The following SP100 variants were observed in gnomAD, a reference collection of about 807,000 sequenced individuals.
The protein encoded by SP100 is SP100 nuclear body protein, also known as nuclear autoantigen Sp-100.
In SP100, 84 loss-of-function variants were observed where a neutral mutation model predicts 130.0. The observed-to-expected ratio is 0.65, with a 90% CI of 0.54 to 0.77. The LOEUF is 0.77. Ranked by LOEUF, SP100 falls within the 30% of genes least tolerant of loss-of-function variation. The probability of loss-of-function intolerance (pLI) is 0.00; values close to 1 mark genes in which losing one functional copy is unlikely to be tolerated. For synonymous variants in SP100, 331 were observed against 351.7 expected (o/e 0.94, Z 0.66); for missense variants, 978 against 1,052.2 (o/e 0.93, Z 0.97).
rs765942675 is a variant in SP100, at chr2:230,444,364, C to T, written c.439+18C>T. On this transcript the variant is annotated intron_variant, in intron 4 of 28. Transcript: ENST00000340126. ...TGAAAATGGTAATTAGATTTATTAT[C>T]TACCTTTTTATTTCCAGGGCCAAGT... The T allele has an allele frequency of 1.2e-6, 2 of 1,600,424 alleles. No individual in the cohort carries two copies. The highest frequency in any genetic ancestry group is 1.7e-6 in the Non-Finnish European group (2 of 1,170,414).
chr2:230,420,612 A>C (rs2062741165), intron 2 of SP100, among the ~76,000 whole-genome samples: 1 of 152,174 alleles, frequency 6.6e-6, no homozygotes, highest in Non-Finnish European at 1.5e-5. Flanking sequence ...TAGGATATTT[A>C]TCAAAATGCC....
intron 17 of SP100, among the ~76,000 whole-genome samples, chr2:230,484,042 C>T (rs143964786): frequency 4.6e-5 from 7 of 152,336 alleles, no homozygotes; most frequent in African/African-American, 1.7e-4. Flanking sequence ...TTCTGTCCCA[C>T]GTCACAGCCT....
Position 230,512,961 on chromosome 2 carries a change from CT to C in SP100, c.2094+1796del, listed in dbSNP as rs139512186. On this transcript the variant is annotated intron_variant, in intron 24 of 28. Coordinates refer to ENST00000340126, the MANE Select transcript of SP100 (RefSeq NM_001080391.2). Reference sequence around the variant, plus strand: ...GGAATTTACAACAGGGTTTGTGCTCCTATGAGAATTTAATGCTGCTGCTGAT... The same window carrying C: ...GGAATTTACAACAGGGTTTGTGCTCCATGAGAATTTAATGCTGCTGCTGAT... Among the ~76,000 whole-genome samples the C allele has an allele frequency of 9.9e-3, 1,506 of 152,252 alleles. 43 individuals are homozygous for C. Among genetic ancestry groups the C allele is most frequent in the East Asian group, 0.071 (369 of 5,182 alleles).
At chr2:230,447,028 G>C in intron 5 of SP100, 126 bp downstream of exon 5, 1 of 602,498 alleles carries the variant, frequency 1.7e-6, no homozygotes, top group Non-Finnish European at 2.9e-6. Context: ...AGTTATATGA[G>C]CTTCTAACCA....
At chr2:230,466,443 C>G in intron 12 of SP100, 89 bp downstream of exon 12, 1 of 760,624 alleles carries the variant, frequency 1.3e-6, no homozygotes, top group Non-Finnish European at 2.3e-6. Context: ...AAGAGTCAGT[C>G]TAATTCCTTG....
At chr2:230,459,456 A>G (rs2064466079) in intron 8 of SP100, among the ~76,000 whole-genome samples, 1 of 152,126 alleles carries the variant, frequency 6.6e-6, no homozygotes, top group African/African-American at 2.4e-5. Context: ...TGGCTCAATC[A>G]CCATCTAAGA....
rs1315779337 is a variant in SP100 at position 230,542,960 on chromosome 2, C to T, written c.*14C>T. 1.4e-6 allele frequency: 2 copies of T among 1,388,878 alleles called. No individual in the cohort carries two copies. The highest frequency in any genetic ancestry group is 1.7e-5 in the Admixed American group (1 of 58,636). 86.0% of individuals were successfully genotyped at this position (1,388,878 alleles called of 1,614,324 possible). On this transcript the variant is annotated 3_prime_UTR_variant, in exon 29 of 29. Coordinates refer to ENST00000340126, the MANE Select transcript of SP100 (RefSeq NM_001080391.2). ...ATGTTTATTTAGCCATTCTTATCTC[C>T]TCCCTTCAGATCCTCTGGCAGCTAG... is the stretch of plus-strand genomic sequence containing the variant.
At chr2:230,524,286 G>A (rs1678196) in intron 24 of SP100, among the ~76,000 whole-genome samples, 24,240 of 148,030 alleles carry the variant, frequency 0.16, 2,373 homozygotes, top group Non-Finnish European at 0.22. Flanking sequence ...AACCTGGGAG[G>A]CAGAAGTTGT....
chr2:230,515,677 C>G (rs1360814610), intron 24 of SP100: 1 of 1,570,690 alleles, frequency 6.4e-7, no homozygotes, highest in East Asian at 2.2e-5. Context: ...GTCTATAAAG[C>G]ATTTAAGCTG....
intron 21 of SP100, 102 bp from the exon 22 acceptor site, chr2:230,506,201 C>A (rs1690086628): frequency 3.2e-6 from 4 of 1,255,636 alleles, no homozygotes; most frequent in Admixed American, 4.1e-5. Flanking sequence ...TTTACTGCTA[C>A]GATCCTAAGC....
At chr2:230,507,900 C>T (rs761467664) in intron 22 of SP100, 93 bp from the exon 23 acceptor site, 20 of 1,065,092 alleles carry the variant, frequency 1.9e-5, no homozygotes, top group Non-Finnish European at 2.8e-5. Context: ...AGTGGGATAT[C>T]CAGGTAGGAA....
At chr2:230,496,782 T>A (rs1436832474) in intron 18 of SP100, among the ~76,000 whole-genome samples, 1 of 152,060 alleles carries the variant, frequency 6.6e-6, no homozygotes, top group African/African-American at 2.4e-5. Flanking sequence ...CACACTACAC[T>A]CCTGCTGGGG....
At chr2:230,496,909 C>T (rs2066700457) in intron 18 of SP100, among the ~76,000 whole-genome samples, 1 of 152,212 alleles carries the variant, frequency 6.6e-6, no homozygotes, top group African/African-American at 2.4e-5. Context: ...ACCCTCTCAA[C>T]ATTCTAGGAT....
At chr2:230,447,802 TA>T (rs1410539741) in intron 5 of SP100, among the ~76,000 whole-genome samples, 1 of 152,186 alleles carries the variant, frequency 6.6e-6, no homozygotes, top group East Asian at 1.9e-4. Flanking sequence ...CTGGATTGAT[TA>T]AATCATTGGC....
Position 230,417,607 on chromosome 2 carries a change from A to C in SP100, c.49A>C (p.Ile17Leu), listed in dbSNP as rs571476325. The C allele has an allele frequency of 2.0e-4, 330 of 1,613,046 alleles. No individual in the cohort carries two copies. Among genetic ancestry groups the C allele is most frequent in the South Asian group, 4.5e-4 (41 of 90,852 alleles). The change falls in exon 2 of 29, where the codon ATT becomes CTT. Residue 17 changes from isoleucine (I) to leucine (L), a missense_variant. By Grantham distance (5) the Ile-to-Leu change is conservative. Coordinates refer to ENST00000340126, the MANE Select transcript of SP100 (RefSeq NM_001080391.2). ...DLSTRRLNEC[I>L]SPVANEMNHL... is the part of the protein sequence containing the mutation. ...TCTTTCTAGGAGGCTGAATGAATGTATTTCACCAGTAGCAAATGAGATGAA... is the reference window on the plus strand; with the variant it reads ...TCTTTCTAGGAGGCTGAATGAATGTCTTTCACCAGTAGCAAATGAGATGAA...
At chr2:230,520,663 G>A (rs992290890) in intron 24 of SP100, 4 of 152,206 alleles carry the variant, frequency 2.6e-5, no homozygotes, top group Non-Finnish European at 4.4e-5. Context: ...GAATGTTGAC[G>A]AAAATTTAGC....
chr2:230,423,882 C>T (rs2062844745), intron 2 of SP100, among the ~76,000 whole-genome samples: 1 of 152,110 alleles, frequency 6.6e-6, no homozygotes. Context: ...AAAATGTGTT[C>T]CTTAAGATTT....
chr2:230,437,433 T>C (rs2063326924), intron 2 of SP100, among the ~76,000 whole-genome samples: 3 of 152,236 alleles, frequency 2.0e-5, no homozygotes, highest in Admixed American at 2.0e-4. Context: ...ATATGAAGTC[T>C]GTTTCACTTC....
At chr2:230,453,752 A>G (rs2064132974) in intron 8 of SP100, among the ~76,000 whole-genome samples, 1 of 152,142 alleles carries the variant, frequency 6.6e-6, no homozygotes, top group Non-Finnish European at 1.5e-5. Context: ...AGTGGCCTAT[A>G]ATTTTCTTTT....
Sources: allele counts gnomAD v4.1 joint callset (sites outside exome capture counted in the v4.1 genomes callset), GRCh38; gene constraint gnomAD v4.1.1; transcripts MANE v1.5; gene names NCBI Gene and HGNC (gene_info 2026-07-23, HGNC 2026-07-21).